ALG11: variants seen among roughly 807,000 people sequenced by gnomAD.
The protein encoded by ALG11 is GDP-Man:Man(3)GlcNAc(2)-PP-Dol alpha-1,2-mannosyltransferase.
In ALG11, 26 loss-of-function variants were observed where a neutral mutation model predicts 38.8. The observed-to-expected ratio is 0.67, with a 90% CI of 0.49 to 0.93. ALG11 has a LOEUF of 0.93. ALG11 is among the 40% of genes least tolerant of loss of function. The pLI, the probability that ALG11 is intolerant of heterozygous loss-of-function variation, is 0.00. For synonymous variants in ALG11, 199 were observed against 211.6 expected (o/e 0.94, Z 0.52); for missense variants, 535 against 578.8 (o/e 0.92, Z 0.78).
intron 1 of ALG11, among the ~76,000 whole-genome samples, chr13:52,014,916 A>G (rs1359433900): frequency 6.6e-6 from 1 of 152,226 alleles, no homozygotes; most frequent in Non-Finnish European, 1.5e-5. Context: ...TATAAAGACC[A>G]AATTATTTTA....
chr13:52,029,867 C>T lies in ALG11; in HGVS notation c.*1277C>T. 6.2e-7 allele frequency: 1 copy of T among 1,614,226 alleles called. No individual in the cohort carries two copies. Among genetic ancestry groups the T allele is most frequent in the Non-Finnish European group, 8.5e-7 (1 of 1,180,040 alleles). On this transcript the variant is annotated 3_prime_UTR_variant, in exon 4 of 4. Coordinates refer to ENST00000521508, the MANE Select transcript of ALG11 (RefSeq NM_001004127.3). ...GGGAGGCACAGAAGTGGAAGAACTC[C>T]TTGTCCCTCATGTAGCGAATGAAGT...
chr13:52,021,120 A>C (rs992195668), intron 2 of ALG11: 1 of 152,234 alleles, frequency 6.6e-6, no homozygotes, highest in Non-Finnish European at 1.5e-5. Flanking sequence ...AAAAAGTTAA[A>C]ATAGGGTAAT....
intron 3 of ALG11, among the ~76,000 whole-genome samples, chr13:52,027,686 G>T (rs1954254607): frequency 6.6e-6 from 1 of 152,214 alleles, no homozygotes; most frequent in Non-Finnish European, 1.5e-5. Flanking sequence ...CAGCACTGTT[G>T]TTGGGCATGC....
chr13:52,028,305 G>T lies in ALG11; in HGVS notation c.1208-14G>T, dbSNP rs752238208. On this transcript the variant is annotated splice_polypyrimidine_tract_variant and intron_variant, in intron 3 of 3. Transcript: ENST00000521508. ...AAACTTAAAAGATTACATGATTTGT[G>T]TTTTTTTTCTCAGGAGTTGTGGAGT... is the stretch of plus-strand genomic sequence containing the variant. The T allele has an allele frequency of 6.2e-7, 1 of 1,613,630 alleles. No homozygotes were observed. The highest frequency in any genetic ancestry group is 8.5e-7 in the Non-Finnish European group (1 of 1,179,726).
At position 52,030,965 on chromosome 13, in the gene ALG11, G is replaced by A. The variant is rs769324615; in HGVS notation, c.*2375G>A. On this transcript the variant is annotated 3_prime_UTR_variant, in exon 4 of 4. Coordinates refer to ENST00000521508, the MANE Select transcript of ALG11 (RefSeq NM_001004127.3). ...CCAAAAGCTGACTACTCCCAAGGTC[G>A]TCACCAAGCCAGGCCATATCATTAA... The A allele has an allele frequency of 2.3e-5, 37 of 1,613,998 alleles. No homozygotes were observed. The East Asian group carries it at 2.9e-4, about 13-fold the overall frequency.
intron 2 of ALG11, chr13:52,020,806 G>C (rs942647): frequency 3.3e-5 from 5 of 152,194 alleles, no homozygotes; most frequent in Non-Finnish European, 7.3e-5. Flanking sequence ...GCAGCTCCCT[G>C]AACACATCAT....
chr13:52,025,089 A>C, intron 3 of ALG11, 152 bp downstream of exon 3: 2 of 851,826 alleles, frequency 2.3e-6, no homozygotes, highest in South Asian at 3.0e-5. Context: ...AGACCTTGTA[A>C]GATAGTAGTT....
Position 52,031,250 on chromosome 13 carries a change from A to G in ALG11, c.*2660A>G. 8.2e-7 allele frequency: 1 copy of G among 1,213,108 alleles called. No individual in the cohort carries two copies. Among genetic ancestry groups the G allele is most frequent in the South Asian group, 1.7e-5 (1 of 57,942 alleles). The allele number at this position is 1,213,108 out of a possible 1,614,324, so 75.1% of individuals were successfully genotyped here. A position where few individuals can be genotyped will look rare whatever the true frequency, so the allele number is the denominator to read the frequency against. On this transcript the variant is annotated 3_prime_UTR_variant, in exon 4 of 4. Transcript: ENST00000521508. ...ATTTTTTAAAAAAAGAAAATGGATG[A>G]CCATTAATTGACTAGCATTTTAGAA...
rs1193914186 is a variant in ALG11 at position 52,019,117 on chromosome 13, G to A, written c.249G>A (p.Trp83Ter). The A allele has an allele frequency of 1.9e-6, 3 of 1,613,560 alleles. No individual in the cohort carries two copies. Among genetic ancestry groups the A allele is most frequent in the Non-Finnish European group, 2.5e-6 (3 of 1,179,908 alleles). ...NAGGGGERVL[W>*]CALRALQKKY... ...GTGGAGGAGGAGAAAGAGTTTTATG[G>A]TGTGCTTTAAGAGCCCTGCAGAAAA... The change falls in exon 2 of 4, where the codon TGG becomes TGA. Residue 83 changes from tryptophan to a stop codon, truncating the protein, a stop_gained. Transcript: ENST00000521508. LOFTEE classifies it high-confidence loss of function.
chr13:52,023,110 T>A (rs2140837206), intron 2 of ALG11: 1 of 152,370 alleles, frequency 6.6e-6, no homozygotes, highest in Non-Finnish European at 1.5e-5. Flanking sequence ...AAGACTTGCA[T>A]TTTTCAGATA....
intron 1 of ALG11, among the ~76,000 whole-genome samples, 170 bp from the exon 2 acceptor site, chr13:52,018,743 A>G (rs1473479999): frequency 3.3e-5 from 5 of 152,244 alleles, no homozygotes; most frequent in African/African-American, 4.8e-5. Flanking sequence ...AATGTTGGAT[A>G]TTTAGCAGCA....
chr13:52,028,907 G>T lies in ALG11; in HGVS notation c.*317G>T. 1 of 1,614,228 alleles carries T rather than the reference G, an allele frequency of 6.2e-7. No individual in the cohort carries two copies. The highest frequency in any genetic ancestry group is 8.5e-7 in the Non-Finnish European group (1 of 1,180,042). ...CTTGAGTGAAAATGAAGATGAGGGG[G>T]ACAGTGATGGAGAGAGAAAGCATCA... On this transcript the variant is annotated 3_prime_UTR_variant, in exon 4 of 4. Transcript: ENST00000521508.
At chr13:52,027,321 A>G (rs1367430623) in intron 3 of ALG11, among the ~76,000 whole-genome samples, 1 of 152,138 alleles carries the variant, frequency 6.6e-6, no homozygotes, top group Non-Finnish European at 1.5e-5. Context: ...GTGGTGCCCT[A>G]GCTTCCTAGC....
In ALG11 at chr13:52,030,393, T is replaced by C. The variant is rs1954289523; in HGVS notation, c.*1803T>C. The C allele has an allele frequency of 6.2e-7, 1 of 1,614,022 alleles. No homozygotes were observed. On this transcript the variant is annotated 3_prime_UTR_variant, in exon 4 of 4. Coordinates refer to ENST00000521508, the MANE Select transcript of ALG11 (RefSeq NM_001004127.3). ...CAAAATAAGGAGCTTCCCAGACCTG[T>C]GTTAGAAGGACAGCAGTCAGAGAGG...
chr13:52,017,976 A>G (rs1954149067), intron 1 of ALG11, among the ~76,000 whole-genome samples: 1 of 152,234 alleles, frequency 6.6e-6, no homozygotes, highest in Non-Finnish European at 1.5e-5. Flanking sequence ...AAATCTTATA[A>G]GCCCTCCTCA....
At chr13:52,020,127 A>C (rs1291255022) in intron 2 of ALG11, among the ~76,000 whole-genome samples, 2 of 152,184 alleles carry the variant, frequency 1.3e-5, no homozygotes, top group Non-Finnish European at 2.9e-5. Context: ...CACAGGAATA[A>C]TCTTTATGAA....
chr13:52,030,755 A>G lies in ALG11; in HGVS notation c.*2165A>G. 1 of 1,614,228 alleles carries G rather than the reference A, an allele frequency of 6.2e-7. No individual in the cohort carries two copies. Among genetic ancestry groups the G allele is most frequent in the Middle Eastern group, 1.6e-4 (1 of 6,062 alleles). On this transcript the variant is annotated 3_prime_UTR_variant, in exon 4 of 4. Transcript: ENST00000521508. ...CAAGAAAAGACGCCAGTTTCTCATT[A>G]AAGCCCCTGAGGGTCCTCCAAGAAA...
chr13:52,026,664 G>T (rs1466976363), intron 3 of ALG11, among the ~76,000 whole-genome samples: 1 of 152,204 alleles, frequency 6.6e-6, no homozygotes, highest in Non-Finnish European at 1.5e-5. Context: ...GCAGCTGTGA[G>T]AATGGTGTTG....
In ALG11 at chr13:52,030,321, T is replaced by C. The variant is rs779240213; in HGVS notation, c.*1731T>C. The C allele has an allele frequency of 1.7e-5, 27 of 1,613,868 alleles. No individual in the cohort carries two copies. Among genetic ancestry groups the C allele is most frequent in the East Asian group, 2.2e-5 (1 of 44,866 alleles). On this transcript the variant is annotated 3_prime_UTR_variant, in exon 4 of 4. Coordinates refer to ENST00000521508, the MANE Select transcript of ALG11 (RefSeq NM_001004127.3). ...CTATTGCTACAGAGGTCAGAGAGAGTACAAACTCTGGAAGAGCTAGAAGAG... is the reference window on the plus strand; with the variant it reads ...CTATTGCTACAGAGGTCAGAGAGAGCACAAACTCTGGAAGAGCTAGAAGAG...
Sources: allele counts gnomAD v4.1 joint callset (sites outside exome capture counted in the v4.1 genomes callset), GRCh38; gene constraint gnomAD v4.1.1; transcripts MANE v1.5; gene names NCBI Gene and HGNC (gene_info 2026-07-23, HGNC 2026-07-21).